Variants in ADH1A observed in about 807,000 individuals in gnomAD.
ADH1A encodes the protein alcohol dehydrogenase 1A (class I), alpha polypeptide.
A neutral mutation model predicts 35.2 loss-of-function variants in ADH1A; 29 were observed. That is an observed-to-expected ratio of 0.82 (90% confidence interval 0.61 to 1.12). The LOEUF (loss-of-function observed/expected upper bound fraction) is 1.12, where lower values mean the gene tolerates loss of function less well. Ranked by LOEUF, ADH1A falls within the 50% of genes most tolerant of loss-of-function variation. The pLI, the probability that ADH1A is intolerant of heterozygous loss-of-function variation, is 0.00. For missense variants in ADH1A, 469 were observed against 464.7 expected (o/e 1.01, Z -0.09); for synonymous variants, 147 against 164.8 (o/e 0.89, Z 0.83).
chr4:99,279,371 A>T, intron 8 of ADH1A, 55 bp downstream of exon 8: 2 of 1,547,586 alleles, frequency 1.3e-6, no homozygotes, highest in South Asian at 2.6e-5. Context: ...TTTCTGCTAG[A>T]CAATCCCCTA....
chr4:99,276,783 TCAA>T, intron 8 of ADH1A, 135 bp from the exon 9 acceptor site: 1 of 772,000 alleles, frequency 1.3e-6, no homozygotes, highest in Non-Finnish European at 2.2e-6. Context: ...TGCATTCGGG[TCAA>T]GTGAAGTCAA....
intron 1 of ADH1A, 86 bp downstream of exon 1, chr4:99,290,810 AT>A (rs1187706009): frequency 1.5e-6 from 2 of 1,377,070 alleles, no homozygotes; most frequent in African/African-American, 2.9e-5. Flanking sequence ...TTAGATATGA[AT>A]TTTAAATGAT....
Position 99,282,376 on chromosome 4 carries a change from T to G in ADH1A, c.798A>C (p.Ser266=), listed in dbSNP as rs377281291. The G allele has an allele frequency of 6.2e-6, 10 of 1,614,026 alleles. No individual in the cohort carries two copies. The highest frequency in any genetic ancestry group is 7.6e-6 in the Non-Finnish European group (9 of 1,179,986). The change falls in exon 6 of 9, where the codon TCA becomes TCC. Residue 266 remains serine (S), a synonymous_variant. Transcript: ENST00000209668. ...TGTCAAGCCGACCGATGACTTCAAATGAAAAATCCACACCTCCATCAGTCA... is the reference window on the plus strand; with the variant it reads ...TGTCAAGCCGACCGATGACTTCAAAGGAAAAATCCACACCTCCATCAGTCA... The part of the protein sequence containing the change: ...KEMTDGGVDF[S]FEVIGRLDTM...
intron 2 of ADH1A, 66 bp downstream of exon 2, chr4:99,287,498 T>C: frequency 6.7e-7 from 1 of 1,502,256 alleles, no homozygotes; most frequent in South Asian, 1.2e-5. Context: ...AAAAATTTGG[T>C]TGTTTCCGTT....
chr4:99,283,644 T>C (rs1274131923), intron 5 of ADH1A, among the ~76,000 whole-genome samples: 3 of 152,210 alleles, frequency 2.0e-5, no homozygotes, highest in Admixed American at 2.0e-4. Context: ...GATATTTTAG[T>C]CTCAGCTCTC....
At chr4:99,287,519 T>G in intron 2 of ADH1A, 45 bp downstream of exon 2, 1 of 1,581,552 alleles carries the variant, frequency 6.3e-7, no homozygotes, top group Non-Finnish European at 8.6e-7. Context: ...TTTTAACTTT[T>G]CTGAGTTTTT....
chr4:99,284,806 G>T lies in ADH1A; in HGVS notation c.260-3C>A. On this transcript the variant is annotated splice_polypyrimidine_tract_variant and splice_region_variant and intron_variant, in intron 3 of 8. Coordinates refer to ENST00000209668, the MANE Select transcript of ADH1A (RefSeq NM_000667.4). ...AGCGAGTGGGATGACTTTATCACCT[G>T]GAGAGGGATAAAACAAATTCTTTTA... 1.2e-6 allele frequency: 2 copies of T among 1,612,848 alleles called. No homozygotes were observed. Among genetic ancestry groups the T allele is most frequent in the Middle Eastern group, 1.7e-4 (1 of 6,026 alleles).
In ADH1A at chr4:99,284,708, A is replaced by C. The variant is rs1451746799; in HGVS notation, c.347+8T>G. 3.1e-6 allele frequency: 5 copies of C among 1,614,074 alleles called. No homozygotes were observed. Among genetic ancestry groups the C allele is most frequent in the Admixed American group, 1.7e-5 (1 of 60,022 alleles). On this transcript the variant is annotated splice_region_variant and intron_variant, in intron 4 of 8. Transcript: ENST00000209668. ...AATGTCTGCGCAGGGAGAGCATCAG[A>C]AACCTACTCGTTTTTCAAGCAGTAG...
At chr4:99,287,479 T>C in intron 2 of ADH1A, 85 bp downstream of exon 2, 1 of 1,295,696 alleles carries the variant, frequency 7.7e-7, no homozygotes, top group Non-Finnish European at 1.1e-6. Context: ...ATTTTCTGGA[T>C]GATCATATAA....
At position 99,282,344 on chromosome 4, in the gene ADH1A, A is replaced by G. The variant is rs1444431742; in HGVS notation, c.828+2T>C. On this transcript the variant is annotated splice_donor_variant, in intron 6 of 8. Coordinates refer to ENST00000209668, the MANE Select transcript of ADH1A (RefSeq NM_000667.4). LOFTEE classifies it high-confidence loss of function. ...AATCTCAGGGCATGTCATGGTACATACCATGGTGTCAAGCCGACCGATGAC... is the reference window on the plus strand; with the variant it reads ...AATCTCAGGGCATGTCATGGTACATGCCATGGTGTCAAGCCGACCGATGAC... 2.5e-6 allele frequency: 4 copies of G among 1,614,216 alleles called. No individual in the cohort carries two copies. The highest frequency in any genetic ancestry group is 3.4e-6 in the Non-Finnish European group (4 of 1,180,018).
At position 99,276,552 on chromosome 4, in the gene ADH1A, C is replaced by T; in HGVS notation, c.*72G>A. ...TGATGAGCAGAATTAATGATATTTCCCAGCTGTTGCTCCAGATCATGTAGG... is the reference window on the plus strand; with the variant it reads ...TGATGAGCAGAATTAATGATATTTCTCAGCTGTTGCTCCAGATCATGTAGG... On this transcript the variant is annotated 3_prime_UTR_variant, in exon 9 of 9. Transcript: ENST00000209668. The T allele has an allele frequency of 7.6e-7, 1 of 1,317,536 alleles. No homozygotes were observed. Among genetic ancestry groups the T allele is most frequent in the Non-Finnish European group, 1.1e-6 (1 of 913,320 alleles). 81.6% of individuals were successfully genotyped at this position (1,317,536 alleles called of 1,614,324 possible). A position where few individuals can be genotyped will look rare whatever the true frequency, so the allele number is the denominator to read the frequency against.
chr4:99,284,573 G>C lies in ADH1A; in HGVS notation c.393C>G (p.Phe131Leu). 1 of 1,614,200 alleles carries C rather than the reference G, an allele frequency of 6.2e-7. No individual in the cohort carries two copies. Among genetic ancestry groups the C allele is most frequent in the Non-Finnish European group, 8.5e-7 (1 of 1,180,026 alleles). ...GGTGGATGGGCTTCCTCCTGCAGGTGAACCTGCTGGTGCCATCCTGCAGGG... is the reference window on the plus strand; with the variant it reads ...GGTGGATGGGCTTCCTCCTGCAGGTCAACCTGCTGGTGCCATCCTGCAGGG... ...QGTLQDGTSR[F>L]TCRRKPIHHF... The change falls in exon 5 of 9, where the codon TTC becomes TTG. Residue 131 changes from phenylalanine to leucine, a missense_variant. Transcript: ENST00000209668.
chr4:99,282,088 T>A, intron 6 of ADH1A: 1 of 563,944 alleles, frequency 1.8e-6, no homozygotes, highest in Non-Finnish European at 3.0e-6. Flanking sequence ...AACAAAGTAA[T>A]CTATTATCAC....
chr4:99,287,476 G>C, intron 2 of ADH1A, 88 bp downstream of exon 2: 3 of 1,271,508 alleles, frequency 2.4e-6, no homozygotes, highest in Non-Finnish European at 3.3e-6. Flanking sequence ...TCTATTTTCT[G>C]GATGATCATA....
chr4:99,284,795 CTT>C lies in ADH1A; in HGVS notation c.266_267del (p.Lys89SerfsTer16). On this transcript the variant is annotated frameshift_variant, in exon 4 of 9. Coordinates refer to ENST00000209668, the MANE Select transcript of ADH1A (RefSeq NM_000667.4). LOFTEE classifies it high-confidence loss of function. ...EGVTTVKPGD[K>X]VIPLAIPQCG... ...CACTGAGGAATAGCGAGTGGGATGA[CTT>C]TATCACCTGGAGAGGGATAAAACAA... 1 of 1,614,048 alleles carries C rather than the reference CTT, an allele frequency of 6.2e-7. No individual in the cohort carries two copies. Among genetic ancestry groups the C allele is most frequent in the Non-Finnish European group, 8.5e-7 (1 of 1,179,884 alleles).
rs28364326 is a variant in ADH1A at position 99,280,927 on chromosome 4, A to G, written c.829-648T>C. Among the ~76,000 whole-genome samples the G allele has an allele frequency of 3.9e-3, 601 of 152,276 alleles. 5 individuals are homozygous for G. The highest frequency in any genetic ancestry group is 0.014 in the Middle Eastern group (4 of 294). The stretch of plus-strand genomic sequence containing the variant: ...CCAGTGAGCTTTCTGAACACGTTCT[A>G]TAGTTAGAAAATGGTTTAGGATTGC... On this transcript the variant is annotated intron_variant, in intron 6 of 8. Coordinates refer to ENST00000209668, the MANE Select transcript of ADH1A (RefSeq NM_000667.4).
At chr4:99,277,924 A>G (rs946519182) in intron 8 of ADH1A, among the ~76,000 whole-genome samples, 11 of 152,224 alleles carry the variant, frequency 7.2e-5, no homozygotes, top group African/African-American at 1.9e-4. Flanking sequence ...TTGCTGGAAC[A>G]AAAGATCCAT....
rs567630410 is a variant in ADH1A, at chr4:99,288,939, A to G, written c.19-1274T>C. Among the ~76,000 whole-genome samples the G allele has an allele frequency of 4.6e-5, 7 of 152,258 alleles. No individual in the cohort carries two copies. In the South Asian group the frequency reaches 1.5e-3, roughly 32 times the overall value. The stretch of plus-strand genomic sequence containing the variant: ...CACTCAAGCAGTGTACATTGCACCC[A>G]ATATGTAGTCTTTTATCCCTCACCT... On this transcript the variant is annotated intron_variant, in intron 1 of 8. Coordinates refer to ENST00000209668, the MANE Select transcript of ADH1A (RefSeq NM_000667.4).
chr4:99,284,773 T>G lies in ADH1A; in HGVS notation c.290A>C (p.Gln97Pro), dbSNP rs897602327. 6.2e-7 allele frequency: 1 copy of G among 1,614,190 alleles called. No individual in the cohort carries two copies. The highest frequency in any genetic ancestry group is 8.5e-7 in the Non-Finnish European group (1 of 1,180,024). ...GDKVIPLAIP[Q>P]CGKCRICKNP... ...TTTACAAATTCTGCATTTTCCACAC[T>G]GAGGAATAGCGAGTGGGATGACTTT... The change falls in exon 4 of 9, where the codon CAG becomes CCG. Residue 97 changes from glutamine (Q) to proline (P), a missense_variant. By Grantham distance (76) the Gln-to-Pro change is moderately conservative. Coordinates refer to ENST00000209668, the MANE Select transcript of ADH1A (RefSeq NM_000667.4).
Sources: allele counts gnomAD v4.1 joint callset (sites outside exome capture counted in the v4.1 genomes callset), GRCh38; gene constraint gnomAD v4.1.1; transcripts MANE v1.5; gene names NCBI Gene and HGNC (gene_info 2026-07-23, HGNC 2026-07-21).